Variants in SAMD8 observed in about 807,000 individuals in gnomAD.
SAMD8 encodes sphingomyelin synthase-related protein 1.
A neutral mutation model predicts 42.0 loss-of-function variants in SAMD8; 20 were observed. That is an observed-to-expected ratio of 0.48 (90% confidence interval 0.34 to 0.69). The LOEUF is 0.69. SAMD8 is among the 30% of genes least tolerant of loss of function. SAMD8 has a pLI of 0.01. For synonymous variants in SAMD8, 162 were observed against 173.0 expected (o/e 0.94, Z 0.50); for missense variants, 328 against 511.6 (o/e 0.64, Z 3.46).
chr10:75,168,505 T>G (rs1395631255), intron 3 of SAMD8, 36 bp from the exon 4 acceptor site: 1 of 1,605,736 alleles, frequency 6.2e-7, no homozygotes, highest in Non-Finnish European at 8.5e-7. Context: ...TTTGTTTTCT[T>G]CTGATCTTTC....
At chr10:75,117,771 G>A (rs1848921057) in intron 1 of SAMD8, among the ~76,000 whole-genome samples, 1 of 152,186 alleles carries the variant, frequency 6.6e-6, no homozygotes, top group Non-Finnish European at 1.5e-5. Context: ...TAAACTGCTA[G>A]CCTGGTTAGA....
intron 1 of SAMD8, among the ~76,000 whole-genome samples, chr10:75,126,817 C>G (rs751227913): frequency 1.6e-4 from 25 of 151,796 alleles, no homozygotes; most frequent in African/African-American, 4.8e-5. Flanking sequence ...ATCCTCAGTG[C>G]CTTAGTGTCT....
At chr10:75,119,962 G>A (rs939119960) in intron 1 of SAMD8, among the ~76,000 whole-genome samples, 3 of 152,158 alleles carry the variant, frequency 2.0e-5, no homozygotes, top group African/African-American at 7.2e-5. Flanking sequence ...CAGCTACTCG[G>A]GAAGCCGAGG....
intron 1 of SAMD8, among the ~76,000 whole-genome samples, chr10:75,106,422 G>A (rs543589646): frequency 2.0e-5 from 3 of 152,132 alleles, no homozygotes; most frequent in South Asian, 4.2e-4. Context: ...CCCTGGTCTC[G>A]GTCTGACTAA....
intron 1 of SAMD8, among the ~76,000 whole-genome samples, chr10:75,137,360 T>A (rs1204615023): frequency 1.3e-5 from 2 of 152,010 alleles, no homozygotes; most frequent in African/African-American, 2.4e-5. Context: ...GCCAACATTG[T>A]GAAACCCCAC....
Position 75,121,029 on chromosome 10 carries a change from G to A in SAMD8, c.-16+9307G>A, listed in dbSNP as rs539043116. On this transcript the variant is annotated intron_variant, in intron 1 of 5. Coordinates refer to ENST00000542569, the MANE Select transcript of SAMD8 (RefSeq NM_001174156.2). ...TTAACCTCAGTGATATACCCACTTC[G>A]GCCTCCCAAAGTGCTGGGATTATAG... Among the ~76,000 whole-genome samples, 7 of 150,662 alleles carry A rather than the reference G, an allele frequency of 4.6e-5. No homozygotes were observed. The South Asian group carries it at 6.3e-4, about 14-fold the overall frequency.
intron 2 of SAMD8, among the ~76,000 whole-genome samples, chr10:75,157,095 T>C (rs1411838082): frequency 1.3e-5 from 2 of 152,048 alleles, no homozygotes; most frequent in African/African-American, 2.4e-5. Context: ...ATAGAAAGAA[T>C]GAAAGCAAGC....
At chr10:75,143,620 A>G (rs1840069498) in intron 1 of SAMD8, among the ~76,000 whole-genome samples, 2 of 151,966 alleles carry the variant, frequency 1.3e-5, no homozygotes, top group Admixed American at 1.3e-4. Context: ...TGAGCCCAGT[A>G]AGAAATCTCT....
chr10:75,135,832 A>G (rs1839874627), intron 1 of SAMD8, among the ~76,000 whole-genome samples: 1 of 151,994 alleles, frequency 6.6e-6, no homozygotes, highest in Non-Finnish European at 1.5e-5. Context: ...TCCGTATCAA[A>G]AAAAAAAAAA....
chr10:75,101,712 T>C (rs1051284212), intron 1 of SAMD8, among the ~76,000 whole-genome samples: 3 of 152,196 alleles, frequency 2.0e-5, no homozygotes, highest in Non-Finnish European at 4.4e-5. Context: ...CTGACTCTAC[T>C]ATACCTTGTC....
upstream of SAMD8, among the ~76,000 whole-genome samples, chr10:75,107,048 T>G (rs941538627): frequency 5.9e-5 from 9 of 152,326 alleles, no homozygotes; most frequent in Admixed American, 3.9e-4. Flanking sequence ...TTAAAAGTAC[T>G]TTGGGGGCCG....
chr10:75,174,991 C>A (rs1039957792), intron 4 of SAMD8, among the ~76,000 whole-genome samples: 2 of 152,194 alleles, frequency 1.3e-5, no homozygotes, highest in Non-Finnish European at 2.9e-5. Flanking sequence ...CCCCATAATT[C>A]TTCTGTCTTT....
rs575622038 is a variant in SAMD8, at chr10:75,101,837, A to AC, written c.-16+2117dup. ...CCAGCATGCTCAGGGACCACATCCT[A>AC]CCCCCCCCAAATTAGGAGCACTCAC... On this transcript the variant is annotated intron_variant, in intron 1 of 3. Transcript: ENST00000447533. 4.2e-4 allele frequency: 565 copies of AC among 1,331,738 alleles called. 1 individual carries two copies. Among genetic ancestry groups the AC allele is most frequent in the Admixed American group, 1.8e-3 (94 of 51,348 alleles). 82.5% of individuals were successfully genotyped at this position (1,331,738 alleles called of 1,614,324 possible).
Position 75,172,144 on chromosome 10 carries a change from C to G in SAMD8, c.792+3486C>G, listed in dbSNP as rs562856308. 5.6e-4 allele frequency among the ~76,000 whole-genome samples: 85 copies of G among 152,104 alleles called. 3 individuals carry two copies. The South Asian group carries it at 0.017, about 30-fold the overall frequency. ...TCACCCTCTTGCCAGCAGTGCCATT[C>G]TGATTGATGAAAGGTAATATCTAAT... On this transcript the variant is annotated intron_variant, in intron 4 of 5. Coordinates refer to ENST00000542569, the MANE Select transcript of SAMD8 (RefSeq NM_001174156.2).
intron 1 of SAMD8, among the ~76,000 whole-genome samples, chr10:75,139,875 A>T (rs1186542684): frequency 1.3e-5 from 2 of 152,164 alleles, no homozygotes; most frequent in East Asian, 3.8e-4. Context: ...CATCTAAGAG[A>T]TCTTTACCTA....
chr10:75,133,733 C>T (rs747866438), intron 1 of SAMD8, among the ~76,000 whole-genome samples: 1 of 152,168 alleles, frequency 6.6e-6, no homozygotes, highest in East Asian at 1.9e-4. Context: ...TACATGATCT[C>T]ACTCATATAT....
chr10:75,117,390 C>T (rs549518022), intron 1 of SAMD8, among the ~76,000 whole-genome samples: 21 of 151,630 alleles, frequency 1.4e-4, no homozygotes, highest in Non-Finnish European at 2.7e-4. Flanking sequence ...CCACTGCACT[C>T]CAGCCTGGGT....
intron 1 of SAMD8, among the ~76,000 whole-genome samples, chr10:75,144,476 G>A (rs948238025): frequency 1.3e-5 from 2 of 152,114 alleles, no homozygotes; most frequent in Non-Finnish European, 2.9e-5. Flanking sequence ...TAGTTACCTC[G>A]TATAAGTGGA....
chr10:75,178,679 T>C lies in SAMD8; in HGVS notation c.*1987T>C, dbSNP rs1388947710. 6.6e-6 allele frequency: 1 copy of C among 152,184 alleles called. No homozygotes were observed. The highest frequency in any genetic ancestry group is 1.9e-4 in the East Asian group (1 of 5,168). 9.4% of individuals were successfully genotyped at this position (152,184 alleles called of 1,614,324 possible). ...AGGAGTTAGAAACTAGAGTGTGTTA[T>C]AACGCCTATGAATAACCACTGCATT... On this transcript the variant is annotated 3_prime_UTR_variant, in exon 6 of 6. Transcript: ENST00000542569.
Sources: allele counts gnomAD v4.1 joint callset (sites outside exome capture counted in the v4.1 genomes callset), GRCh38; gene constraint gnomAD v4.1.1; transcripts MANE v1.5; gene names NCBI Gene and HGNC (gene_info 2026-07-23, HGNC 2026-07-21).